The following CEP85L variants were observed in gnomAD, a reference collection of about 807,000 sequenced individuals.
CEP85L encodes the protein centrosomal protein 85L.
In CEP85L, 60 loss-of-function variants were observed where a neutral mutation model predicts 100.3. The ratio of observed to expected loss-of-function variants is 0.60; its 90% confidence interval spans 0.49 to 0.74. The LOEUF (loss-of-function observed/expected upper bound fraction) is 0.74. CEP85L is among the 30% of genes least tolerant of loss of function. CEP85L has a pLI of 0.00. For missense variants in CEP85L, 973 were observed against 936.2 expected (o/e 1.04, Z -0.51); for synonymous variants, 319 against 322.7 (o/e 0.99, Z 0.12).
At chr6:118,496,779 C>T (rs529287230) in intron 5 of CEP85L, among the ~76,000 whole-genome samples, 33 of 152,302 alleles carry the variant, frequency 2.2e-4, no homozygotes, top group African/African-American at 7.5e-4. Context: ...GAATGGCTCA[C>T]AAAACTTGCT....
At chr6:118,548,531 A>G (rs980738762) in intron 3 of CEP85L, 2 of 152,136 alleles carry the variant, frequency 1.3e-5, no homozygotes, top group African/African-American at 4.8e-5. Context: ...ATGACATGAC[A>G]AAGTGCTTAA....
chr6:118,662,422 C>T (rs550238327), intron 1 of CEP85L, among the ~76,000 whole-genome samples: 1 of 151,762 alleles, frequency 6.6e-6, no homozygotes, highest in East Asian at 1.9e-4. Context: ...CCCAGATACT[C>T]GGGAGGCTGA....
chr6:118,513,468 A>C (rs894709455), intron 4 of CEP85L, among the ~76,000 whole-genome samples: 3 of 152,180 alleles, frequency 2.0e-5, no homozygotes, highest in Non-Finnish European at 4.4e-5. Flanking sequence ...AAAAAAGATA[A>C]ATCCATTCAA....
At chr6:118,491,194 TATACACACACACACAC>T (rs1255508115) in intron 6 of CEP85L, among the ~76,000 whole-genome samples, 16 of 81,304 alleles carry the variant, frequency 2.0e-4, no homozygotes, top group South Asian at 1.2e-3. Context: ...TACCAACATC[TATACACACACACACAC>T]ACACACACAC....
At chr6:118,624,015 G>C (rs1177994537) in intron 2 of CEP85L, among the ~76,000 whole-genome samples, 1 of 152,096 alleles carries the variant, frequency 6.6e-6, no homozygotes, top group Non-Finnish European at 1.5e-5. Context: ...TTAAACCTTG[G>C]ACACCCCTTG....
chr6:118,489,913 C>T (rs1774433366), intron 6 of CEP85L, among the ~76,000 whole-genome samples: 1 of 151,918 alleles, frequency 6.6e-6, no homozygotes, highest in Non-Finnish European at 1.5e-5. Context: ...GAATGAGCAA[C>T]ATAAATGTTA....
intron 2 of CEP85L, among the ~76,000 whole-genome samples, chr6:118,585,320 C>T (rs774008623): frequency 6.6e-6 from 1 of 152,194 alleles, no homozygotes; most frequent in South Asian, 2.1e-4. Flanking sequence ...CCTATAAATA[C>T]CTCCAGGAAA....
chr6:118,480,826 C>A (rs978245846), intron 8 of CEP85L, among the ~76,000 whole-genome samples: 3 of 152,024 alleles, frequency 2.0e-5, no homozygotes, highest in African/African-American at 7.2e-5. Context: ...TGAAGTCTAA[C>A]TCATGTTCTT....
At chr6:118,596,908 C>G (rs1355884921) in intron 2 of CEP85L, among the ~76,000 whole-genome samples, 1 of 152,182 alleles carries the variant, frequency 6.6e-6, no homozygotes, top group African/African-American at 2.4e-5. Context: ...CCACCCAAAT[C>G]TCATCTTGAA....
intron 3 of CEP85L, among the ~76,000 whole-genome samples, chr6:118,543,438 A>T (rs778285225): frequency 4.6e-5 from 7 of 151,848 alleles, no homozygotes; most frequent in Non-Finnish European, 1.0e-4. Flanking sequence ...TGTAGAGCTT[A>T]AAAAAATCAA....
chr6:118,592,587 A>G (rs1328160370), intron 2 of CEP85L, among the ~76,000 whole-genome samples: 1 of 152,162 alleles, frequency 6.6e-6, no homozygotes, highest in East Asian at 1.9e-4. Flanking sequence ...ATTATTCACC[A>G]ATGAATTGAC....
intron 2 of CEP85L, among the ~76,000 whole-genome samples, chr6:118,575,682 G>C (rs1439296834): frequency 6.6e-6 from 1 of 152,186 alleles, no homozygotes; most frequent in Non-Finnish European, 1.5e-5. Flanking sequence ...GAGAAATACT[G>C]TCTCAGCTTC....
chr6:118,526,330 C>T (rs778947060), intron 3 of CEP85L, among the ~76,000 whole-genome samples: 12 of 152,140 alleles, frequency 7.9e-5, no homozygotes, highest in Non-Finnish European at 1.3e-4. Flanking sequence ...CTCCAGAATG[C>T]CCCATGATCC....
At chr6:118,693,966 T>TG (rs891109226) in intron 1 of CEP85L, among the ~76,000 whole-genome samples, 2 of 152,148 alleles carry the variant, frequency 1.3e-5, no homozygotes, top group African/African-American at 4.8e-5. Flanking sequence ...TTTGGGCTTC[T>TG]GGGGTGAATG....
chr6:118,621,124 A>G (rs960870951), intron 2 of CEP85L, among the ~76,000 whole-genome samples: 2 of 152,182 alleles, frequency 1.3e-5, no homozygotes, highest in Admixed American at 1.3e-4. Context: ...TGAAGCTCAT[A>G]AAGGACCAGA....
intron 10 of CEP85L, among the ~76,000 whole-genome samples, chr6:118,474,845 G>A (rs564715321): frequency 2.0e-5 from 3 of 152,320 alleles, no homozygotes; most frequent in Admixed American, 1.3e-4. Context: ...GCAGTTGACA[G>A]GATACTATTA....
At chr6:118,495,836 G>A (rs1774883252) in intron 5 of CEP85L, among the ~76,000 whole-genome samples, 1 of 152,232 alleles carries the variant, frequency 6.6e-6, no homozygotes, top group African/African-American at 2.4e-5. Context: ...AGTTGTTAAA[G>A]AGGATGAATG....
At chr6:118,680,443 A>G (rs1776621278) in intron 1 of CEP85L, among the ~76,000 whole-genome samples, 1 of 151,636 alleles carries the variant, frequency 6.6e-6, no homozygotes, top group Admixed American at 6.6e-5. Flanking sequence ...AACCTTGACT[A>G]TCATTTTAGT....
chr6:118,641,948 T>C (rs1218471337), intron 1 of CEP85L, among the ~76,000 whole-genome samples: 3 of 152,064 alleles, frequency 2.0e-5, no homozygotes, highest in South Asian at 2.1e-4. Flanking sequence ...AAACGTTCAA[T>C]ATGTAGAGGG....
Sources: allele counts gnomAD v4.1 joint callset (sites outside exome capture counted in the v4.1 genomes callset), GRCh38; gene constraint gnomAD v4.1.1; transcripts MANE v1.5; gene names NCBI Gene and HGNC (gene_info 2026-07-23, HGNC 2026-07-21).